Variants in GAB1 observed in about 807,000 individuals in gnomAD.
GAB1 encodes GRB2 associated binding protein 1, also known as GRB2-associated-binding protein 1.
GAB1 carries 19 observed loss-of-function variants against 66.5 expected under a neutral mutation model. The ratio of observed to expected loss-of-function variants is 0.29; its 90% CI spans 0.20 to 0.42. The LOEUF is 0.42. Among genes scored for constraint, GAB1 ranks in the 10% least tolerant of loss-of-function variants. The probability of loss-of-function intolerance (pLI) is 1.00; values close to 1 mark genes in which losing one functional copy is unlikely to be tolerated. For missense variants in GAB1, 732 were observed against 858.5 expected, an observed-to-expected ratio of 0.85 and a Z score of 1.84; for synonymous variants, 294 against 301.4, an observed-to-expected ratio of 0.98 and a Z score of 0.25.
chr4:143,390,715 C>T (rs1197334678), intron 1 of GAB1, among the ~76,000 whole-genome samples: 2 of 152,112 alleles, frequency 1.3e-5, no homozygotes, highest in African/African-American at 4.8e-5. Context: ...AAAGGGCATA[C>T]AACTTTTTTT....
intron 1 of GAB1, among the ~76,000 whole-genome samples, chr4:143,411,750 C>CGA (rs1732404459): frequency 1.3e-5 from 2 of 152,290 alleles, no homozygotes; most frequent in South Asian, 4.2e-4. Flanking sequence ...GTTCTCTTGT[C>CGA]GAGCATCAAG....
rs28924079 is a variant in GAB1 at position 143,469,540 on chromosome 4, G to T, written c.*351G>T. 4.8e-3 allele frequency: 880 copies of T among 181,806 alleles called. 7 individuals are homozygous for T. The highest frequency in any genetic ancestry group is 0.02 in the African/African-American group (839 of 42,956). 11.3% of individuals were successfully genotyped at this position (181,806 alleles called of 1,614,324 possible). On this transcript the variant is annotated 3_prime_UTR_variant, in exon 10 of 10. Coordinates refer to ENST00000262994, the MANE Select transcript of GAB1 (RefSeq NM_002039.4). ...TACCATAATTCCTTTGGGAGTTCTT[G>T]TTTTTTGTCACACTACTTTATATAA... is the stretch of plus-strand genomic sequence containing the variant.
chr4:143,344,030 C>T (rs772488817), intron 1 of GAB1, among the ~76,000 whole-genome samples: 1 of 152,116 alleles, frequency 6.6e-6, no homozygotes, highest in Non-Finnish European at 1.5e-5. Context: ...ATTAAAATTC[C>T]AAGGGACATG....
At chr4:143,416,279 G>A (rs1732682231) in intron 2 of GAB1, among the ~76,000 whole-genome samples, 1 of 152,184 alleles carries the variant, frequency 6.6e-6, no homozygotes, top group East Asian at 1.9e-4. Context: ...TTGGTGGCAG[G>A]CACCTGTGGT....
At chr4:143,418,626 G>A (rs961061252) in intron 2 of GAB1, among the ~76,000 whole-genome samples, 27 of 152,156 alleles carry the variant, frequency 1.8e-4, no homozygotes, top group African/African-American at 6.3e-4. Flanking sequence ...TCTGTTGGTT[G>A]TCTGTATAGA....
chr4:143,438,481 C>T lies in GAB1; in HGVS notation c.1076C>T (p.Thr359Met), dbSNP rs748539714. ...GCTCATGACCGATCTCCTGTGGAAA[C>T]GTGTAGTATCCCACGCACCGCCTCA... is the stretch of plus-strand genomic sequence containing the variant. ...HPAHDRSPVETCSIPRTASDT... is the reference protein window; with the variant it reads ...HPAHDRSPVEMCSIPRTASDT... Residue 359 changes from threonine (T) to methionine (M), a missense_variant, in exon 4 of 10, where the codon ACG (threonine) becomes ATG (methionine). This residue lies in a region of GAB1 where 427 missense variants were observed against 420.6 expected (regional missense o/e 1.02). Coordinates refer to ENST00000262994, the MANE Select transcript of GAB1 (RefSeq NM_002039.4). The T allele has an allele frequency of 1.9e-5, 31 of 1,613,896 alleles. No homozygotes were observed. The highest frequency in any genetic ancestry group is 1.6e-4 in the Middle Eastern group (1 of 6,084).
At chr4:143,427,689 G>A (rs978944872) in intron 2 of GAB1, among the ~76,000 whole-genome samples, 2 of 152,284 alleles carry the variant, frequency 1.3e-5, no homozygotes, top group African/African-American at 2.4e-5. Flanking sequence ...TCAGAGGGGC[G>A]TGTCCCATAG....
chr4:143,349,569 G>A, intron 1 of GAB1: 6 of 1,498,552 alleles, frequency 4.0e-6, no homozygotes, highest in Non-Finnish European at 5.4e-6. Flanking sequence ...TGGGTGCAGG[G>A]ATGAGGTGCA....
intron 1 of GAB1, among the ~76,000 whole-genome samples, chr4:143,386,015 A>T (rs572781387): frequency 5.9e-5 from 9 of 152,174 alleles, no homozygotes; most frequent in African/African-American, 1.9e-4. Flanking sequence ...GGCTGTGCGC[A>T]CCTGTCGTCC....
chr4:143,419,239 G>A (rs1424384110), intron 2 of GAB1, among the ~76,000 whole-genome samples: 2 of 151,960 alleles, frequency 1.3e-5, no homozygotes, highest in South Asian at 2.1e-4. Context: ...ATATATATAT[G>A]TGTAAAAGTA....
At chr4:143,427,452 C>T (rs1057055843) in intron 2 of GAB1, among the ~76,000 whole-genome samples, 1 of 151,590 alleles carries the variant, frequency 6.6e-6, no homozygotes, top group South Asian at 2.1e-4. Context: ...GAAAACAGAA[C>T]GGGGTTGCGG....
At chr4:143,423,616 A>G (rs1578691799) in intron 2 of GAB1, among the ~76,000 whole-genome samples, 2 of 151,050 alleles carry the variant, frequency 1.3e-5, no homozygotes, top group East Asian at 3.9e-4. Flanking sequence ...CTCTACTAAA[A>G]ATACAAAAAA....
At chr4:143,426,222 C>T (rs924528328) in intron 2 of GAB1, among the ~76,000 whole-genome samples, 1 of 152,136 alleles carries the variant, frequency 6.6e-6, no homozygotes, top group East Asian at 1.9e-4. Context: ...ACTGCACATG[C>T]AGGTGAATGG....
At chr4:143,377,456 T>G (rs906928078) in intron 1 of GAB1, among the ~76,000 whole-genome samples, 2 of 152,218 alleles carry the variant, frequency 1.3e-5, no homozygotes, top group Non-Finnish European at 2.9e-5. Context: ...ACTGAAAATC[T>G]GCCACTCTGC....
At chr4:143,413,824 C>CTTTT (rs35422180) in intron 1 of GAB1, among the ~76,000 whole-genome samples, 26 of 67,812 alleles carry the variant, frequency 3.8e-4, no homozygotes, top group African/African-American at 6.6e-4. Context: ...CCCCGCTGCC[C>CTTTT]TTTTTTTTTT....
At chr4:143,451,496 A>G (rs1034099845) in intron 6 of GAB1, among the ~76,000 whole-genome samples, 1 of 152,154 alleles carries the variant, frequency 6.6e-6, no homozygotes, top group African/African-American at 2.4e-5. Flanking sequence ...AGATTTATAT[A>G]TTTAAATCTT....
chr4:143,382,921 G>GT (rs1730718196), intron 1 of GAB1, among the ~76,000 whole-genome samples: 1 of 152,048 alleles, frequency 6.6e-6, no homozygotes, highest in Non-Finnish European at 1.5e-5. Context: ...TATGTTTTTT[G>GT]TAACTGTTGT....
chr4:143,365,086 C>T (rs1729825979), intron 1 of GAB1, among the ~76,000 whole-genome samples: 1 of 151,524 alleles, frequency 6.6e-6, no homozygotes, highest in African/African-American at 2.4e-5. Context: ...ACCGTGTTAG[C>T]CAAGATGGTC....
At chr4:143,357,422 A>G (rs1246941724) in intron 1 of GAB1, among the ~76,000 whole-genome samples, 2 of 152,170 alleles carry the variant, frequency 1.3e-5, no homozygotes, top group Non-Finnish European at 2.9e-5. Context: ...GTTATCAGAT[A>G]TTTTAATATA....
Sources: gnomAD v4.1 joint callset for allele counts (sites outside exome capture counted in the v4.1 genomes callset) on GRCh38, gnomAD v4.1.1 for gene constraint, gnomAD v4.1.1 regional missense constraint, MANE v1.5 for transcripts, NCBI Gene and HGNC (gene_info 2026-07-23, HGNC 2026-07-21) for gene names.